Variants in ALDH7A1 observed in about 807,000 individuals in gnomAD.
ALDH7A1 encodes alpha-aminoadipic semialdehyde dehydrogenase.
A neutral mutation model predicts 79.9 loss-of-function variants in ALDH7A1; 63 were observed. That is an observed-to-expected ratio of 0.79 (90% CI 0.64 to 0.97). ALDH7A1 has a LOEUF of 0.97. Ranked by LOEUF, ALDH7A1 falls within the 50% of genes least tolerant of loss-of-function variation. The probability of loss-of-function intolerance (pLI) is 0.00; values close to 1 mark genes in which losing one functional copy is unlikely to be tolerated. For synonymous variants in ALDH7A1, 240 were observed against 231.2 expected (o/e 1.04, Z -0.34); for missense variants, 627 against 665.2 (o/e 0.94, Z 0.63).
intron 11 of ALDH7A1, among the ~76,000 whole-genome samples, chr5:126,557,830 A>T (rs7703752): frequency 0.36 from 54,906 of 151,670 alleles, 10,762 homozygotes; most frequent in Middle Eastern, 0.5. Context: ...CTTAAAAATA[A>T]TTTTTTTTAA....
At chr5:126,575,509 A>G in intron 6 of ALDH7A1, 45 bp from the exon 7 acceptor site, 3 of 1,549,652 alleles carry the variant, frequency 1.9e-6, no homozygotes, top group Non-Finnish European at 2.6e-6. Context: ...AACTTATTTG[A>G]CGGAAACCAT....
At chr5:126,558,643 C>G (rs781013356) in intron 11 of ALDH7A1, among the ~76,000 whole-genome samples, 1 of 152,114 alleles carries the variant, frequency 6.6e-6, no homozygotes, top group Non-Finnish European at 1.5e-5. Flanking sequence ...CCTGCCTCAG[C>G]CTCCCAAGTA....
Position 126,585,769 on chromosome 5 carries a change from G to T in ALDH7A1, c.313-1757C>A, listed in dbSNP as rs1020714223. The stretch of plus-strand genomic sequence containing the variant: ...GCAGAGATGGGGTTTCACCATGTTG[G>T]TCAGGCTGGTCTCGAACTCCTGATC... On this transcript the variant is annotated intron_variant, in intron 3 of 17. Transcript: ENST00000409134. 3.3e-5 allele frequency among the ~76,000 whole-genome samples: 5 copies of T among 152,178 alleles called. No homozygotes were observed. The East Asian group carries it at 9.7e-4, about 29-fold the overall frequency.
At chr5:126,568,649 T>A (rs2112782762) in intron 8 of ALDH7A1, 1 of 399,550 alleles carries the variant, frequency 2.5e-6, no homozygotes, top group East Asian at 5.4e-5. Flanking sequence ...GACAATATGA[T>A]CTTAGCATTT....
chr5:126,577,251 A>C (rs1480660565), intron 5 of ALDH7A1, 40 bp from the exon 6 acceptor site: 1 of 1,611,714 alleles, frequency 6.2e-7, no homozygotes, highest in Non-Finnish European at 8.5e-7. Flanking sequence ...GAAGCATGTT[A>C]ATTTAATGCC....
At chr5:126,594,937 A>T (rs187061036) in intron 1 of ALDH7A1, 70 bp downstream of exon 1, 8 of 1,541,382 alleles carry the variant, frequency 5.2e-6, no homozygotes, top group Middle Eastern at 2.3e-4. Context: ...GGGAGTCGGT[A>T]GGTCAGTGCC....
intron 7 of ALDH7A1, among the ~76,000 whole-genome samples, chr5:126,573,307 T>C (rs1298518366): frequency 2.0e-5 from 3 of 150,660 alleles, no homozygotes; most frequent in Admixed American, 6.6e-5. Context: ...ATGCCTGTAA[T>C]CCTAGCACTT....
chr5:126,565,640 G>A (rs928698469), intron 9 of ALDH7A1, among the ~76,000 whole-genome samples: 1 of 152,252 alleles, frequency 6.6e-6, no homozygotes, highest in Admixed American at 6.5e-5. Flanking sequence ...TTTAATTGTT[G>A]TTGCTTGTGC....
At chr5:126,554,511 C>A (rs1202492310) in intron 12 of ALDH7A1, 118 bp from the exon 13 acceptor site, 10 of 785,974 alleles carry the variant, frequency 1.3e-5, no homozygotes, top group Non-Finnish European at 2.0e-5. Context: ...CAATTGAGAA[C>A]ATAAGTCAGC....
intron 7 of ALDH7A1, among the ~76,000 whole-genome samples, chr5:126,571,495 T>A (rs1750775128): frequency 6.6e-6 from 1 of 150,730 alleles, no homozygotes; most frequent in Admixed American, 6.6e-5. Flanking sequence ...AAAAGAATCT[T>A]GAGAAGAAGA....
At chr5:126,552,913 C>A (rs1377659636) in intron 13 of ALDH7A1, among the ~76,000 whole-genome samples, 3 of 151,798 alleles carry the variant, frequency 2.0e-5, no homozygotes, top group Non-Finnish European at 4.4e-5. Context: ...CCATACTCAG[C>A]TAATTTTTTT....
chr5:126,576,634 A>G (rs1750979833), intron 6 of ALDH7A1, among the ~76,000 whole-genome samples: 1 of 152,212 alleles, frequency 6.6e-6, no homozygotes, highest in African/African-American at 2.4e-5. Context: ...TTCACTACCA[A>G]AGTTTTATTG....
intron 3 of ALDH7A1, among the ~76,000 whole-genome samples, chr5:126,584,749 A>T (rs1751304450): frequency 6.8e-6 from 1 of 146,774 alleles, no homozygotes; most frequent in African/African-American, 2.6e-5. Context: ...TTGACAGGAC[A>T]CACAGATGCA....
At chr5:126,558,472 T>G (rs1488087869) in intron 11 of ALDH7A1, among the ~76,000 whole-genome samples, 19 of 152,230 alleles carry the variant, frequency 1.2e-4, no homozygotes. Context: ...ATCATGTCAT[T>G]TCAAGTCAAA....
intron 8 of ALDH7A1, chr5:126,569,394 C>CT (rs1296290149): frequency 1.3e-5 from 2 of 152,146 alleles, no homozygotes; most frequent in African/African-American, 4.8e-5. Context: ...CTAGGATTTC[C>CT]AGTTGCTTCT....
intron 17 of ALDH7A1, 113 bp downstream of exon 17, chr5:126,546,211 G>C: frequency 9.9e-7 from 1 of 1,013,272 alleles, no homozygotes; most frequent in Non-Finnish European, 1.6e-6. Flanking sequence ...TGGAATGCTG[G>C]AAAAATCAAA....
intron 13 of ALDH7A1, among the ~76,000 whole-genome samples, chr5:126,553,895 G>A (rs778150040): frequency 8.6e-5 from 13 of 151,948 alleles, no homozygotes; most frequent in Non-Finnish European, 1.5e-4. Flanking sequence ...ATCACTTGAG[G>A]CCAGGAGTTA....
chr5:126,584,718 C>T (rs1244172304), intron 3 of ALDH7A1, among the ~76,000 whole-genome samples: 1 of 137,428 alleles, frequency 7.3e-6, no homozygotes, highest in Non-Finnish European at 1.6e-5. Context: ...AGTGGATTCA[C>T]GGTCTGTTTT....
chr5:126,567,099 T>C (rs1250286976), intron 9 of ALDH7A1, among the ~76,000 whole-genome samples: 3 of 152,258 alleles, frequency 2.0e-5, no homozygotes, highest in Non-Finnish European at 4.4e-5. Context: ...TAAGTGTTTT[T>C]ACCTTTCTCA....
Sources: allele counts gnomAD v4.1 joint callset (sites outside exome capture counted in the v4.1 genomes callset), GRCh38; gene constraint gnomAD v4.1.1; transcripts MANE v1.5; gene names NCBI Gene and HGNC (gene_info 2026-07-23, HGNC 2026-07-21).